The following NCKAP5 variants were observed in gnomAD, a reference collection of about 807,000 sequenced individuals.
NCKAP5 encodes nck-associated protein 5.
A neutral mutation model predicts 167.0 loss-of-function variants in NCKAP5; 92 were observed. That is an observed-to-expected ratio of 0.55 (90% CI 0.47 to 0.66). NCKAP5 has a LOEUF of 0.66. Among genes scored for constraint, NCKAP5 ranks in the 30% least tolerant of loss-of-function variants. NCKAP5 has a pLI of 0.00. For synonymous variants in NCKAP5, 891 were observed against 877.4 expected (o/e 1.02, Z -0.27); for missense variants, 2,378 against 2,315.0 (o/e 1.03, Z -0.56).
At chr2:132,900,365 T>C (rs1312300298) in intron 8 of NCKAP5, among the ~76,000 whole-genome samples, 2 of 152,220 alleles carry the variant, frequency 1.3e-5, no homozygotes, top group Non-Finnish European at 2.9e-5. Flanking sequence ...AATGAGGTTA[T>C]GCCTGTACTA....
chr2:132,932,963 T>C (rs408117), intron 8 of NCKAP5, among the ~76,000 whole-genome samples: 7,491 of 150,036 alleles, frequency 0.05, 260 homozygotes, highest in Middle Eastern at 0.079. Flanking sequence ...CTCGCTTTGT[T>C]GCCCAGGCTG....
chr2:132,860,710 C>G, intron 10 of NCKAP5, 99 bp from the exon 11 acceptor site: 1 of 1,373,262 alleles, frequency 7.3e-7, no homozygotes, highest in Non-Finnish European at 9.7e-7. Flanking sequence ...TAGTAAAAAA[C>G]GGTATTTTTA....
chr2:133,189,838 C>T (rs949683395), intron 5 of NCKAP5, among the ~76,000 whole-genome samples: 2 of 152,132 alleles, frequency 1.3e-5, no homozygotes, highest in Non-Finnish European at 2.9e-5. Context: ...GCAAAAACTG[C>T]AAGTATTCCC....
At chr2:133,115,804 T>A (rs867712156) in intron 6 of NCKAP5, among the ~76,000 whole-genome samples, 6 of 109,714 alleles carry the variant, frequency 5.5e-5, no homozygotes, top group Non-Finnish European at 8.6e-5. Context: ...TATATATATA[T>A]ATATATATAT....
intron 2 of NCKAP5, among the ~76,000 whole-genome samples, chr2:133,518,274 T>G (rs563411056): frequency 6.6e-6 from 1 of 151,242 alleles, no homozygotes; most frequent in African/African-American, 2.4e-5. Context: ...TCATATATGT[T>G]AAGTGCCAGC....
At chr2:132,955,209 G>A (rs187245679) in intron 8 of NCKAP5, among the ~76,000 whole-genome samples, 28 of 152,302 alleles carry the variant, frequency 1.8e-4, no homozygotes, top group East Asian at 9.6e-4. Context: ...AAAATAGCCC[G>A]TTCCTCTCAC....
At chr2:133,273,203 C>A (rs2089591115) in intron 4 of NCKAP5, among the ~76,000 whole-genome samples, 1 of 152,154 alleles carries the variant, frequency 6.6e-6, no homozygotes, top group Non-Finnish European at 1.5e-5. Flanking sequence ...CACAGCCTCT[C>A]CAACACTTTT....
intron 3 of NCKAP5, among the ~76,000 whole-genome samples, chr2:133,381,783 T>C (rs1686541430): frequency 6.6e-6 from 1 of 152,140 alleles, no homozygotes; most frequent in East Asian, 1.9e-4. Context: ...TGGATACAAA[T>C]ACACATGTGG....
intron 2 of NCKAP5, among the ~76,000 whole-genome samples, chr2:133,534,438 A>G (rs1293516294): frequency 2.6e-5 from 4 of 152,148 alleles, no homozygotes; most frequent in Admixed American, 2.0e-4. Flanking sequence ...TATTTTTAGA[A>G]CATTTTTAAC....
intron 8 of NCKAP5, among the ~76,000 whole-genome samples, chr2:132,958,091 T>G (rs1032035675): frequency 2.0e-5 from 3 of 152,204 alleles, no homozygotes; most frequent in African/African-American, 7.2e-5. Flanking sequence ...TCAATGATTT[T>G]CTGTGAACCT....
At chr2:133,588,122 G>A in the NCKAP5 span, among the ~76,000 whole-genome samples, 2 of 152,308 alleles carry the variant, frequency 1.3e-5, no homozygotes, top group African/African-American at 4.8e-5. Flanking sequence ...ACATACACAT[G>A]TGAGTCAACT....
chr2:132,794,257 TATATATAGAGAGAGAG>T (rs1474574285), intron 12 of NCKAP5, among the ~76,000 whole-genome samples: 139 of 40,944 alleles, frequency 3.4e-3, no homozygotes, highest in African/African-American at 8.2e-3. Flanking sequence ...TATATATATA[TATATATAGAGAGAGAG>T]AGAGAGAGAG....
At chr2:133,614,348 T>A in the NCKAP5 span, among the ~76,000 whole-genome samples, 1 of 152,052 alleles carries the variant, frequency 6.6e-6, no homozygotes, top group African/African-American at 2.4e-5. Flanking sequence ...ATCAAATTAC[T>A]CCGAGCTACG....
chr2:133,107,106 A>T (rs2081732276), intron 6 of NCKAP5, among the ~76,000 whole-genome samples: 1 of 152,362 alleles, frequency 6.6e-6, no homozygotes, highest in Non-Finnish European at 1.5e-5. Context: ...ACACTGAGTC[A>T]GAAGGGATCA....
the NCKAP5 span, among the ~76,000 whole-genome samples, chr2:133,649,200 A>C: frequency 6.6e-6 from 1 of 150,986 alleles, no homozygotes; most frequent in Non-Finnish European, 1.5e-5. Context: ...AGAAATAGAA[A>C]GTCTAAACAG....
At chr2:133,102,199 T>G (rs555325907) in intron 6 of NCKAP5, among the ~76,000 whole-genome samples, 1 of 152,240 alleles carries the variant, frequency 6.6e-6, no homozygotes, top group South Asian at 2.1e-4. Flanking sequence ...CAGGCTGGAG[T>G]GCAGTGGCAC....
At position 132,960,469 on chromosome 2, in the gene NCKAP5, G is replaced by A. The variant is rs139026140; in HGVS notation, c.579+3251C>T. Among the ~76,000 whole-genome samples the A allele has an allele frequency of 3.5e-4, 54 of 152,266 alleles. 1 individual carries two copies. In the East Asian group the frequency reaches 0.01, roughly 29 times the overall value. ...GGAAACAGAACTATCAAAAGACAGA[G>A]TTGAAGGCCCTTAGCCTCCAGAATA... On this transcript the variant is annotated intron_variant, in intron 8 of 19. Coordinates refer to ENST00000409261, the MANE Select transcript of NCKAP5 (RefSeq NM_207363.3).
At chr2:133,461,914 A>G (rs112396373) in intron 3 of NCKAP5, among the ~76,000 whole-genome samples, 1 of 104,772 alleles carries the variant, frequency 9.5e-6, no homozygotes, top group Admixed American at 1.0e-4. Context: ...TGACTCTGCT[A>G]TTTCTTCTGC....
At chr2:132,721,280 C>T (rs1558968273) in intron 19 of NCKAP5, among the ~76,000 whole-genome samples, 1 of 152,104 alleles carries the variant, frequency 6.6e-6, no homozygotes, top group South Asian at 2.1e-4. Flanking sequence ...TGCACTCCAG[C>T]CTGGGTGACA....
Sources: allele counts gnomAD v4.1 joint callset (sites outside exome capture counted in the v4.1 genomes callset), GRCh38; gene constraint gnomAD v4.1.1; transcripts MANE v1.5; gene names NCBI Gene and HGNC (gene_info 2026-07-23, HGNC 2026-07-21).